Variants in HECW1 observed in about 807,000 individuals in gnomAD.
The protein encoded by HECW1 is HECT, C2 and WW domain containing E3 ubiquitin protein ligase 1, also known as E3 ubiquitin-protein ligase HECW1.
In HECW1, 61 loss-of-function variants were observed where a neutral mutation model predicts 182.3. That is an observed-to-expected ratio of 0.33 (90% CI 0.27 to 0.41). The LOEUF (loss-of-function observed/expected upper bound fraction) is 0.41, where lower values mean the gene tolerates loss of function less well. HECW1 is among the 10% of genes least tolerant of loss of function. The pLI is 1.00. For synonymous variants in HECW1, 859 were observed against 832.6 expected, an observed-to-expected ratio of 1.03 and a Z score of -0.55; for missense variants, 1,739 against 2,108.9, an observed-to-expected ratio of 0.82 and a Z score of 3.44.
chr7:43,465,473 A>G (rs2077732121), intron 14 of HECW1, among the ~76,000 whole-genome samples: 1 of 152,226 alleles, frequency 6.6e-6, no homozygotes, highest in Non-Finnish European at 1.5e-5. Flanking sequence ...AGGCTTGCCC[A>G]AGCTCATTCT....
Position 43,444,563 on chromosome 7 carries a change from T to C in HECW1, c.1391T>C (p.Leu464Pro). 1 of 1,611,048 alleles carries C rather than the reference T, an allele frequency of 6.2e-7. No individual in the cohort carries two copies. The highest frequency in any genetic ancestry group is 8.5e-7 in the Non-Finnish European group (1 of 1,178,886). ...SAEELAEQLD[L>P]GEEASALLLE... is the part of the protein sequence containing the mutation. ...GAAGAGCTGGCCGAGCAGCTGGACCTGGGTGAGGAGGCATCAGCACTGCTG... is the reference window on the plus strand; with the variant it reads ...GAAGAGCTGGCCGAGCAGCTGGACCCGGGTGAGGAGGCATCAGCACTGCTG... The change falls in exon 11 of 30, where the codon CTG becomes CCG. Residue 464 changes from leucine (L) to proline (P), a missense_variant. By Grantham distance (98) the Leu-to-Pro change is moderately conservative. Around this residue, in one of 5 missense-constraint regions of HECW1, gnomAD observed 971 missense variants for 1,029.1 expected, o/e 0.94. Transcript: ENST00000395891. This position sits in a 1 kb window ranked among gnomAD's most constrained non-coding sequence, Gnocchi z 4.3.
intron 24 of HECW1, among the ~76,000 whole-genome samples, chr7:43,535,854 C>T (rs1465187704): frequency 2.6e-5 from 4 of 152,116 alleles, no homozygotes; most frequent in Non-Finnish European, 4.4e-5. Flanking sequence ...TTTTATATAT[C>T]ACTTGTATTT....
At chr7:43,221,781 G>A (rs1035629411) in intron 2 of HECW1, among the ~76,000 whole-genome samples, 4 of 150,326 alleles carry the variant, frequency 2.7e-5, no homozygotes, top group African/African-American at 9.8e-5. Context: ...TGTCGATCTC[G>A]CAATCTGCCT....
intron 4 of HECW1, among the ~76,000 whole-genome samples, chr7:43,315,624 G>A (rs990384782): frequency 2.0e-5 from 3 of 152,050 alleles, no homozygotes; most frequent in African/African-American, 7.2e-5. Flanking sequence ...CTCTCAAGTA[G>A]CTGGGATTAC....
intron 14 of HECW1, among the ~76,000 whole-genome samples, chr7:43,466,147 GAGAA>G (rs1169395710): frequency 8.1e-5 from 12 of 148,204 alleles, no homozygotes; most frequent in South Asian, 2.2e-4. Context: ...GAAAGAGAGA[GAGAA>G]AGAAGGAAGG....
At chr7:43,276,798 G>A (rs1562772068) in intron 3 of HECW1, among the ~76,000 whole-genome samples, 1 of 152,162 alleles carries the variant, frequency 6.6e-6, no homozygotes, top group Non-Finnish European at 1.5e-5. Context: ...TCTTTATTTG[G>A]CACATGCTCC....
chr7:43,114,024 CA>C, intron 1 of HECW1, 132 bp from the exon 2 acceptor site: 2 of 401,844 alleles, frequency 5.0e-6, no homozygotes, highest in Non-Finnish European at 9.3e-6. Flanking sequence ...GGGCTGACAC[CA>C]GAGAGCATGT....
intron 2 of HECW1, among the ~76,000 whole-genome samples, chr7:43,223,322 A>T (rs1471958964): frequency 6.6e-6 from 1 of 152,170 alleles, no homozygotes; most frequent in Non-Finnish European, 1.5e-5. Flanking sequence ...ACAGCCCATT[A>T]AAACATTTGT....
At chr7:43,248,672 C>G (rs1482615424) in intron 3 of HECW1, 1 of 134,354 alleles carries the variant, frequency 7.4e-6, no homozygotes, top group Non-Finnish European at 1.5e-5. Context: ...TTTACTCTCC[C>G]TCCTCCTCCT....
At position 43,550,577 on chromosome 7, in the gene HECW1, C is replaced by T. The variant is rs929423946; in HGVS notation, c.4381C>T (p.Arg1461Cys). The T allele has an allele frequency of 1.9e-6, 3 of 1,604,972 alleles. No individual in the cohort carries two copies. The highest frequency in any genetic ancestry group is 2.6e-6 in the Non-Finnish European group (3 of 1,175,952). The change falls in exon 27 of 30, where the codon CGC (arginine) becomes TGC (cysteine). Residue 1461 changes from arginine to cysteine, a missense_variant. Transcript: ENST00000395891. ...GVVQQTEALV[R>C]GFYEVVDSRL... ...GGTACAGCAGACCGAGGCGCTGGTG[C>T]GCGGCTTCTACGAGGTGAGGCCCGG... is the stretch of plus-strand genomic sequence containing the variant.
chr7:43,256,349 C>T (rs1800570521), intron 3 of HECW1, among the ~76,000 whole-genome samples: 1 of 152,092 alleles, frequency 6.6e-6, no homozygotes, highest in Admixed American at 6.5e-5. Context: ...GTGGTTCACA[C>T]CTGTAATCCC....
chr7:43,552,519 C>T (rs2081873021), intron 28 of HECW1, among the ~76,000 whole-genome samples, 183 bp downstream of exon 28: 1 of 152,226 alleles, frequency 6.6e-6, no homozygotes, highest in African/African-American at 2.4e-5. Context: ...AGAATATTTT[C>T]ATCACCCCAA....
At chr7:43,396,123 C>A (rs772046441) in intron 6 of HECW1, among the ~76,000 whole-genome samples, 1 of 152,146 alleles carries the variant, frequency 6.6e-6, no homozygotes, top group Non-Finnish European at 1.5e-5. Context: ...CTGAATAAAA[C>A]CTTCCTAGAA....
intron 24 of HECW1, 66 bp from the exon 25 acceptor site, chr7:43,541,097 G>A (rs2081348389): frequency 2.3e-6 from 3 of 1,280,976 alleles, no homozygotes; most frequent in East Asian, 2.3e-5. Flanking sequence ...AAATAAAAGT[G>A]CAAACTAAAA....
intron 2 of HECW1, among the ~76,000 whole-genome samples, chr7:43,217,963 G>A (rs960757577): frequency 2.6e-5 from 4 of 152,106 alleles, no homozygotes; most frequent in Admixed American, 1.3e-4. Context: ...GGATTTCCTC[G>A]AAGAAAAGCC....
At chr7:43,202,397 T>A (rs1350339411) in intron 2 of HECW1, among the ~76,000 whole-genome samples, 1 of 152,178 alleles carries the variant, frequency 6.6e-6, no homozygotes, top group Non-Finnish European at 1.5e-5. Context: ...AAAAGTATCT[T>A]TCCTTTTCCA....
At position 43,562,289 on chromosome 7, in the gene HECW1, A is replaced by G. The variant is rs117445746; in HGVS notation, c.*363A>G. ...ATGTTTACTTCCATTTCTATCATTG[A>G]AGGGAAAATGTGAGCATTAAGCACT... On this transcript the variant is annotated 3_prime_UTR_variant, in exon 30 of 30. Coordinates refer to ENST00000395891, the MANE Select transcript of HECW1 (RefSeq NM_015052.5). 0.011 allele frequency: 2,626 copies of G among 246,490 alleles called. 27 individuals carry two copies. Among genetic ancestry groups the G allele is most frequent in the Middle Eastern group, 0.025 (21 of 852 alleles). 15.3% of individuals were successfully genotyped at this position (246,490 alleles called of 1,614,324 possible).
chr7:43,456,415 G>A lies in HECW1; in HGVS notation c.2619G>A (p.Gly873=), dbSNP rs538912476. 46 of 1,614,032 alleles carry A rather than the reference G, an allele frequency of 2.9e-5. 1 individual carries two copies. In the East Asian group the frequency reaches 8.7e-4, roughly 30 times the overall value. The change falls in exon 13 of 30, where the codon GGG becomes GGA. Residue 873 remains glycine (G), a synonymous_variant. Transcript: ENST00000395891. Reference sequence around the variant, plus strand: ...CCCCGGATGGCATGCGGAGATCGGGGTCCATCCAGCAGATGGAGCAACTCA... The same window carrying A: ...CCCCGGATGGCATGCGGAGATCGGGATCCATCCAGCAGATGGAGCAACTCA... ...AATPDGMRRS[G]SIQQMEQLNR...
chr7:43,312,826 T>A (rs1229407700), intron 4 of HECW1, among the ~76,000 whole-genome samples: 1 of 152,256 alleles, frequency 6.6e-6, no homozygotes, highest in Non-Finnish European at 1.5e-5. Flanking sequence ...ATCTATTTTA[T>A]GTGATAGAAT....
Sources: gnomAD v4.1 joint callset for allele counts (sites outside exome capture counted in the v4.1 genomes callset) on GRCh38, gnomAD v4.1.1 for gene constraint, gnomAD v4.1.1 regional missense constraint, Gnocchi (gnomAD v3.1) non-coding constraint, MANE v1.5 for transcripts, NCBI Gene and HGNC (gene_info 2026-07-23, HGNC 2026-07-21) for gene names.